PPARG: variants seen among roughly 807,000 people sequenced by gnomAD.
The protein encoded by PPARG is peroxisome proliferator activated receptor gamma.
Under a neutral mutation model 39.2 loss-of-function variants are expected in PPARG, and 17 were observed. That is an observed-to-expected ratio of 0.43 (90% CI 0.30 to 0.65). The LOEUF (loss-of-function observed/expected upper bound fraction) is 0.65. PPARG is among the 30% of genes least tolerant of loss of function. PPARG has a pLI of 0.13. For synonymous variants in PPARG, 223 were observed against 215.7 expected (o/e 1.03, Z -0.30); for missense variants, 406 against 585.9 (o/e 0.69, Z 3.17).
At chr3:12,428,779 T>G (rs765658362) in intron 7 of PPARG, among the ~76,000 whole-genome samples, 23 of 152,186 alleles carry the variant, frequency 1.5e-4, no homozygotes, top group Non-Finnish European at 2.6e-4. Context: ...AAAGGAAGCG[T>G]TCTTGTTTTT....
chr3:12,362,373 G>A (rs900863840), intron 2 of PPARG, among the ~76,000 whole-genome samples: 9 of 152,026 alleles, frequency 5.9e-5, no homozygotes, highest in Non-Finnish European at 1.3e-4. Flanking sequence ...CGAAAAATTA[G>A]CCAGGCATGG....
intron 1 of PPARG, among the ~76,000 whole-genome samples, chr3:12,296,368 C>T (rs1278738141): frequency 2.0e-5 from 3 of 149,986 alleles, no homozygotes; most frequent in African/African-American, 7.4e-5. Flanking sequence ...AATGCAGTTT[C>T]TTGGACCTCA....
At chr3:12,423,057 C>T (rs2051317930) in intron 7 of PPARG, among the ~76,000 whole-genome samples, 1 of 152,076 alleles carries the variant, frequency 6.6e-6, no homozygotes, top group Non-Finnish European at 1.5e-5. Context: ...GAGCTAAAGA[C>T]TAGTGTTCTG....
chr3:12,408,892 A>G (rs747615236), intron 6 of PPARG, among the ~76,000 whole-genome samples: 5 of 152,156 alleles, frequency 3.3e-5, no homozygotes, highest in Non-Finnish European at 7.4e-5. Context: ...CTGGTGTGCA[A>G]CGTGCTCTTA....
chr3:12,298,965 AG>A (rs1252880231), intron 1 of PPARG, among the ~76,000 whole-genome samples: 2 of 152,040 alleles, frequency 1.3e-5, no homozygotes, highest in African/African-American at 4.8e-5. Flanking sequence ...CCTCCCAAGT[AG>A]CTGGGACTAC....
intron 2 of PPARG, among the ~76,000 whole-genome samples, chr3:12,361,241 A>G (rs1409085372): frequency 3.3e-5 from 5 of 152,174 alleles, no homozygotes; most frequent in Admixed American, 2.6e-4. Flanking sequence ...ACCCATTTTT[A>G]TATTGAGTAC....
At chr3:12,292,778 C>T (rs747947134) in intron 1 of PPARG, among the ~76,000 whole-genome samples, 2 of 152,076 alleles carry the variant, frequency 1.3e-5, no homozygotes, top group Admixed American at 6.6e-5. Flanking sequence ...TAACAGCACA[C>T]GGGGTGATGG....
chr3:12,293,050 C>T (rs1175265453), intron 1 of PPARG, among the ~76,000 whole-genome samples: 1 of 152,212 alleles, frequency 6.6e-6, no homozygotes, highest in Non-Finnish European at 1.5e-5. Flanking sequence ...TGCCTTAATC[C>T]TACAGCGTAG....
At chr3:12,356,795 T>G (rs1559505710) in intron 2 of PPARG, among the ~76,000 whole-genome samples, 1 of 152,188 alleles carries the variant, frequency 6.6e-6, no homozygotes, top group Admixed American at 6.5e-5. Flanking sequence ...TGGCCTGTCT[T>G]GCTCTGTTCA....
chr3:12,330,706 T>A (rs78135480), intron 2 of PPARG, among the ~76,000 whole-genome samples: 12,140 of 152,256 alleles, frequency 0.08, 692 homozygotes, highest in Admixed American at 0.16. Flanking sequence ...GATGCGTTGA[T>A]GCTGTGGAAT....
At chr3:12,399,984 T>TAA (rs79659234) in intron 5 of PPARG, among the ~76,000 whole-genome samples, 1 of 137,726 alleles carries the variant, frequency 7.3e-6, no homozygotes, top group South Asian at 2.3e-4. Flanking sequence ...ACCCTGTCTC[T>TAA]AAAAAAAAAA....
At chr3:12,329,761 A>T (rs1369977988) in intron 2 of PPARG, among the ~76,000 whole-genome samples, 1 of 152,156 alleles carries the variant, frequency 6.6e-6, no homozygotes, top group African/African-American at 2.4e-5. Context: ...TTCATCACCC[A>T]AACAGCTCTA....
chr3:12,411,499 G>A (rs1219194530), intron 6 of PPARG, among the ~76,000 whole-genome samples: 13 of 152,122 alleles, frequency 8.5e-5, no homozygotes, highest in Admixed American at 2.6e-4. Flanking sequence ...TGTTAAGAGC[G>A]TTAGTTTAAA....
intron 4 of PPARG, among the ~76,000 whole-genome samples, chr3:12,391,084 C>T (rs1422633562): frequency 6.6e-6 from 1 of 152,184 alleles, no homozygotes; most frequent in Non-Finnish European, 1.5e-5. Context: ...AGTGCTTTCT[C>T]ATTTTATAGT....
At chr3:12,389,155 T>A (rs1392174665) in intron 4 of PPARG, among the ~76,000 whole-genome samples, 2 of 152,200 alleles carry the variant, frequency 1.3e-5, no homozygotes, top group Non-Finnish European at 2.9e-5. Context: ...GTGAGAAATG[T>A]TTGTTTTTAC....
chr3:12,392,536 A>G (rs1336941577), intron 4 of PPARG, 78 bp from the exon 5 acceptor site: 2 of 1,526,446 alleles, frequency 1.3e-6, no homozygotes, highest in African/African-American at 1.4e-5. Flanking sequence ...TTCCCAGGCC[A>G]GTATACCTTT....
At chr3:12,405,023 C>A (rs1248402221) in intron 5 of PPARG, among the ~76,000 whole-genome samples, 3 of 152,056 alleles carry the variant, frequency 2.0e-5, no homozygotes, top group African/African-American at 7.3e-5. Flanking sequence ...TGGCCAGGTA[C>A]CCTTATTATG....
chr3:12,304,966 C>T (rs1362053358), intron 1 of PPARG, among the ~76,000 whole-genome samples: 2 of 152,186 alleles, frequency 1.3e-5, no homozygotes, highest in Non-Finnish European at 2.9e-5. Flanking sequence ...GGAAAAGTTA[C>T]TGCCTCTGAC....
At chr3:12,379,368 T>G (rs1483854878) in intron 2 of PPARG, among the ~76,000 whole-genome samples, 1 of 152,182 alleles carries the variant, frequency 6.6e-6, no homozygotes, top group Non-Finnish European at 1.5e-5. Flanking sequence ...AAATTTTAAA[T>G]AAATAACAGC....
Sources: gnomAD v4.1 joint callset for allele counts (sites outside exome capture counted in the v4.1 genomes callset) on GRCh38, gnomAD v4.1.1 for gene constraint, MANE v1.5 for transcripts, NCBI Gene and HGNC (gene_info 2026-07-23, HGNC 2026-07-21) for gene names.